The following CD6 variants were observed in gnomAD, a reference collection of about 807,000 sequenced individuals.
CD6 encodes T-cell differentiation antigen CD6.
Under a neutral mutation model 75.3 loss-of-function variants are expected in CD6, and 53 were observed. The observed-to-expected ratio is 0.70, with a 90% CI of 0.56 to 0.88. CD6 has a LOEUF of 0.88. CD6 is among the 40% of genes least tolerant of loss of function. The pLI, the probability that CD6 is intolerant of heterozygous loss-of-function variation, is 0.00. For missense variants in CD6, 770 were observed against 897.1 expected (o/e 0.86, Z 1.81); for synonymous variants, 359 against 381.5 (o/e 0.94, Z 0.69).
intron 1 of CD6, among the ~76,000 whole-genome samples, chr11:60,977,872 G>A: frequency 6.6e-6 from 1 of 152,100 alleles, no homozygotes; most frequent in East Asian, 1.9e-4. Flanking sequence ...CCCTTAAATG[G>A]AAAGCCATTC....
Position 61,017,525 on chromosome 11 carries a change from G to C in CD6, c.1557G>C (p.Arg519Ser), listed in dbSNP as rs1403939388. 1.3e-6 allele frequency: 2 copies of C among 1,552,620 alleles called. No individual in the cohort carries two copies. The highest frequency in any genetic ancestry group is 4.9e-5 in the East Asian group (2 of 41,036). ...CAGATGAGGAGGTCCAGCAAAGCAG[G>C]TTCCAGATGCCACCCTTGGAGGAAG... ...RVTDEEVQQS[R>S]FQMPPLEEGL... Residue 519 changes from arginine (R) to serine (S), a missense_variant, in exon 10 of 13, where the codon AGG becomes AGC. Physicochemically the swap from Arg to Ser is moderately radical, Grantham distance 110. Coordinates refer to ENST00000313421, the MANE Select transcript of CD6 (RefSeq NM_006725.5).
At chr11:60,986,051 C>A (rs76038347) in intron 1 of CD6, among the ~76,000 whole-genome samples, 1 of 152,184 alleles carries the variant, frequency 6.6e-6, no homozygotes, top group African/African-American at 2.4e-5. Context: ...GGCCTTGGAA[C>A]GGGGCAAGGA....
At chr11:60,982,331 G>C (rs973216190) in intron 1 of CD6, among the ~76,000 whole-genome samples, 2 of 152,210 alleles carry the variant, frequency 1.3e-5, no homozygotes, top group African/African-American at 2.4e-5. Flanking sequence ...GCGTGACTCT[G>C]TTCATTTTAC....
chr11:61,006,692 T>G (rs977275239), intron 2 of CD6, 50 bp downstream of exon 2: 3 of 1,449,832 alleles, frequency 2.1e-6, no homozygotes, highest in Non-Finnish European at 2.9e-6. Context: ...CTGTAGGTGG[T>G]CCCCCAGGGT....
chr11:60,995,957 T>C (rs1270695318), intron 1 of CD6, among the ~76,000 whole-genome samples: 1 of 152,112 alleles, frequency 6.6e-6, no homozygotes, highest in Non-Finnish European at 1.5e-5. Flanking sequence ...TTGGAAAGCC[T>C]CCAGGGTTGT....
intron 1 of CD6, among the ~76,000 whole-genome samples, chr11:60,977,244 C>T (rs1857397762): frequency 6.6e-6 from 1 of 152,156 alleles, no homozygotes; most frequent in Non-Finnish European, 1.5e-5. Context: ...TCAGACTTCT[C>T]CCTGGGGCAA....
At position 61,009,361 on chromosome 11, in the gene CD6, G is replaced by C. The variant is rs151031569; in HGVS notation, c.782-211G>C. On this transcript the variant is annotated intron_variant, in intron 4 of 12. Coordinates refer to ENST00000313421, the MANE Select transcript of CD6 (RefSeq NM_006725.5). ...TTCTAACAAGATCCCAGGCAATGCCGATGCTGCTGCTCCACAGACCACACT... is the reference window on the plus strand; with the variant it reads ...TTCTAACAAGATCCCAGGCAATGCCCATGCTGCTGCTCCACAGACCACACT... Among the ~76,000 whole-genome samples, 12 of 152,346 alleles carry C rather than the reference G, an allele frequency of 7.9e-5. No individual in the cohort carries two copies. In the East Asian group the frequency reaches 2.1e-3, roughly 27 times the overall value.
intron 1 of CD6, among the ~76,000 whole-genome samples, chr11:60,975,137 T>C (rs1857318808): frequency 1.4e-5 from 2 of 143,378 alleles, no homozygotes; most frequent in Admixed American, 6.9e-5. Flanking sequence ...TTTTATTTTA[T>C]AAGCCCTGTA....
At chr11:61,000,886 G>T (rs1858552512) in intron 1 of CD6, among the ~76,000 whole-genome samples, 1 of 152,150 alleles carries the variant, frequency 6.6e-6, no homozygotes, top group Admixed American at 6.5e-5. Context: ...CCCACTCGGG[G>T]ACTTCTGCAT....
chr11:61,008,132 C>G (rs1858960567), intron 3 of CD6, among the ~76,000 whole-genome samples: 1 of 152,170 alleles, frequency 6.6e-6, no homozygotes, highest in Admixed American at 6.5e-5. Flanking sequence ...CACCCCCACA[C>G]TTGGTTCCTA....
rs572350808 is a variant in CD6, at chr11:60,989,828, A to G, written c.50-16746A>G. On this transcript the variant is annotated intron_variant, in intron 1 of 12. Coordinates refer to ENST00000313421, the MANE Select transcript of CD6 (RefSeq NM_006725.5). ...TTGAATCCTACATTTCCCCGCCTGC[A>G]CGATAGTGATAATAACAGTGCTTAC... 2.6e-5 allele frequency among the ~76,000 whole-genome samples: 4 copies of G among 152,302 alleles called. No homozygotes were observed. In the South Asian group the frequency reaches 8.3e-4, roughly 32 times the overall value.
Position 61,013,403 on chromosome 11 carries a change from A to C in CD6, c.1151-20A>C. On this transcript the variant is annotated intron_variant, in intron 6 of 12. Transcript: ENST00000313421. ...AGTGCCCATTCCTCTTTCTTCCTGAATTGGAATTCTTGTTTCCAGAATCTT... is the reference window on the plus strand; with the variant it reads ...AGTGCCCATTCCTCTTTCTTCCTGACTTGGAATTCTTGTTTCCAGAATCTT... The C allele has an allele frequency of 1.2e-6, 2 of 1,613,274 alleles. No individual in the cohort carries two copies. The highest frequency in any genetic ancestry group is 1.7e-6 in the Non-Finnish European group (2 of 1,179,398).
chr11:60,996,115 C>T (rs983169892), intron 1 of CD6, among the ~76,000 whole-genome samples: 1 of 152,164 alleles, frequency 6.6e-6, no homozygotes, highest in African/African-American at 2.4e-5. Flanking sequence ...ATTTTCTAGC[C>T]GTGTAATCTT....
chr11:60,982,531 C>G (rs982428777), intron 1 of CD6: 1 of 454,122 alleles, frequency 2.2e-6, no homozygotes, highest in Admixed American at 2.4e-5. Context: ...GGAGACAGAG[C>G]TGAGGAAGCC....
intron 1 of CD6, among the ~76,000 whole-genome samples, chr11:61,001,299 G>A (rs1187898061): frequency 6.6e-6 from 1 of 150,698 alleles, no homozygotes; most frequent in Admixed American, 6.7e-5. Flanking sequence ...TGCCTCCTGG[G>A]TTCAAGCGAT....
intron 1 of CD6, among the ~76,000 whole-genome samples, chr11:60,981,406 C>T (rs1295554024): frequency 6.6e-6 from 1 of 152,190 alleles, no homozygotes; most frequent in Non-Finnish European, 1.5e-5. Context: ...ACTCAAGACT[C>T]CTGCAGGAAA....
chr11:60,996,422 G>A (rs1275577031), intron 1 of CD6, among the ~76,000 whole-genome samples: 2 of 152,146 alleles, frequency 1.3e-5, no homozygotes, highest in Non-Finnish European at 2.9e-5. Context: ...TCCCAAACCT[G>A]CAAACCAGGA....
rs1412841536 is a variant in CD6, at chr11:60,975,463, C to A, written c.49+3549C>A. ...TTTGATATGATGGGCTAAATGAATTCTATTATCACAATTAAGTTTACATAT... is the reference window on the plus strand; with the variant it reads ...TTTGATATGATGGGCTAAATGAATTATATTATCACAATTAAGTTTACATAT... On this transcript the variant is annotated intron_variant, in intron 1 of 12. Transcript: ENST00000313421. Among the ~76,000 whole-genome samples, 3 of 152,138 alleles carry A rather than the reference C, an allele frequency of 2.0e-5. No homozygotes were observed. The East Asian group carries it at 5.8e-4, about 29-fold the overall frequency.
chr11:61,000,266 T>A (rs1858516130), intron 1 of CD6, among the ~76,000 whole-genome samples: 1 of 151,986 alleles, frequency 6.6e-6, no homozygotes, highest in African/African-American at 2.4e-5. Flanking sequence ...CTTGGTTTGC[T>A]GTTGTTGTTA....
Sources: gnomAD v4.1 joint callset for allele counts (sites outside exome capture counted in the v4.1 genomes callset) on GRCh38, gnomAD v4.1.1 for gene constraint, MANE v1.5 for transcripts, NCBI Gene and HGNC (gene_info 2026-07-23, HGNC 2026-07-21) for gene names.